Variants in CLDND2 observed in about 807,000 individuals in gnomAD.
CLDND2 encodes the protein claudin domain-containing protein 2.
A neutral mutation model predicts 17.7 loss-of-function variants in CLDND2; 18 were observed. The observed-to-expected ratio is 1.02, with a 90% CI of 0.70 to 1.51. CLDND2 has a LOEUF of 1.51. CLDND2 is among the 40% of genes most tolerant of loss of function. The pLI is 0.00. For missense variants in CLDND2, 233 were observed against 219.6 expected, an observed-to-expected ratio of 1.06 and a Z score of -0.39; for synonymous variants, 113 against 93.0, an observed-to-expected ratio of 1.22 and a Z score of -1.24.
At position 51,367,904 on chromosome 19, in the gene CLDND2, C is replaced by G. The variant is rs765786340; in HGVS notation, c.292G>C (p.Ala98Pro). 5 of 1,611,866 alleles carry G rather than the reference C, an allele frequency of 3.1e-6. No homozygotes were observed. Among genetic ancestry groups the G allele is most frequent in the Non-Finnish European group, 8.5e-7 (1 of 1,179,736 alleles). ...GTCTCACCGCCGAGGAAGAGGAAGG[C>G]GCTCGTGGTCTGGCCCCGCAGCGAC... ...GESLRGQTTSAFLFLGGLLLL... is the reference protein window; with the variant it reads ...GESLRGQTTSPFLFLGGLLLL... The change falls in exon 2 of 4, where the codon GCC (alanine) becomes CCC (proline). Residue 98 changes from alanine to proline, a missense_variant. Transcript: ENST00000291715. The surrounding 1 kb of genome is among the most constrained non-coding windows in gnomAD (Gnocchi z 7.4).
intron 1 of CLDND2, 72 bp from the exon 2 acceptor site, chr19:51,368,098 C>A (rs996040901): frequency 1.4e-6 from 2 of 1,464,704 alleles, no homozygotes; most frequent in African/African-American, 1.4e-5. Context: ...CAACCGGAAG[C>A]TCTCCCGTCT....
Position 51,367,745 on chromosome 19 carries a change from C to G in CLDND2, c.310+141G>C. On this transcript the variant is annotated intron_variant, in intron 2 of 3. Coordinates refer to ENST00000291715, the MANE Select transcript of CLDND2 (RefSeq NM_152353.3). The surrounding 1 kb of genome is among the most constrained non-coding windows in gnomAD (Gnocchi z 7.4). ...TCCCGCTCTGAACTCTGTCTCGAGC[C>G]CCGCCCACCTCTCTCGGCTTCTTCC... 6.8e-7 allele frequency: 1 copy of G among 1,476,256 alleles called. No homozygotes were observed. The highest frequency in any genetic ancestry group is 1.4e-5 in the South Asian group (1 of 73,686). 91.4% of individuals were successfully genotyped at this position (1,476,256 alleles called of 1,614,324 possible).
At position 51,367,480 on chromosome 19, in the gene CLDND2, G is replaced by A. The variant is rs1986447338; in HGVS notation, c.407C>T (p.Ala136Val). 1 of 1,603,264 alleles carries A rather than the reference G, an allele frequency of 6.2e-7. No homozygotes were observed. Among genetic ancestry groups the A allele is most frequent in the South Asian group, 1.1e-5 (1 of 89,504 alleles). Reference sequence around the variant, plus strand: ...ACCCGCGAGAATTGAGAAGGGTAAGGCCAGCCACCCAGAAAAATAGGACCA... The same window carrying A: ...ACCCGCGAGAATTGAGAAGGGTAAGACCAGCCACCCAGAAAAATAGGACCA... ...FSWSYFSGWL[A>V]LPFSILAGFC... The change falls in exon 3 of 4, where the codon GCC becomes GTC. Residue 136 changes from alanine to valine, a missense_variant. Coordinates refer to ENST00000291715, the MANE Select transcript of CLDND2 (RefSeq NM_152353.3). The surrounding 1 kb of genome is among the most constrained non-coding windows in gnomAD (Gnocchi z 7.4).
Position 51,368,835 on chromosome 19 carries a change from A to C in CLDND2, c.-258T>G. The C allele has an allele frequency of 2.3e-6, 1 of 436,732 alleles. No individual in the cohort carries two copies. The highest frequency in any genetic ancestry group is 4.1e-6 in the Non-Finnish European group (1 of 241,880). The allele number at this position is 436,732 out of a possible 1,614,324, so 27.1% of individuals were successfully genotyped here. On this transcript the variant is annotated 5_prime_UTR_variant, in exon 1 of 4. Transcript: ENST00000291715. ...CTGAGAGGCCTCTGAGACCTTCACC[A>C]CAGGCTTTGCTGTGAGGAACCTGTC...
In CLDND2 at chr19:51,368,519, A is replaced by T. The variant is rs137890141; in HGVS notation, c.59T>A (p.Val20Asp). The stretch of plus-strand genomic sequence containing the variant: ...GGTGGCCGTGGAGAGCACCATGAGG[A>T]CGTTGGCCACGAGGCTGAGCAGAAT... The part of the protein sequence containing the change: ...GGILLSLVAN[V>D]LMVLSTATNY... The change falls in exon 1 of 4, where the codon GTC (valine) becomes GAC (aspartate). Residue 20 changes from valine (V) to aspartate (D), a missense_variant. Transcript: ENST00000291715. 71 of 1,614,014 alleles carry T rather than the reference A, an allele frequency of 4.4e-5. No individual in the cohort carries two copies. In the African/African-American group the frequency reaches 8.5e-4, roughly 19 times the overall value.
rs1986532297 is a variant in CLDND2 at position 51,368,487 on chromosome 19, A to G, written c.91T>C (p.Trp31Arg). 6.2e-7 allele frequency: 1 copy of G among 1,614,090 alleles called. No individual in the cohort carries two copies. The highest frequency in any genetic ancestry group is 8.5e-7 in the Non-Finnish European group (1 of 1,180,010). ...LMVLSTATNY[W>R]TRQQEGHSGL... Reference sequence around the variant, plus strand: ...CTGTGGCCCTCTTGTTGGCGGGTCCAGTAGTTGGTGGCCGTGGAGAGCACC... The same window carrying G: ...CTGTGGCCCTCTTGTTGGCGGGTCCGGTAGTTGGTGGCCGTGGAGAGCACC... Residue 31 changes from tryptophan to arginine, a missense_variant, in exon 1 of 4, where the codon TGG becomes CGG. By Grantham distance (101) the Trp-to-Arg change is moderately radical. Transcript: ENST00000291715.
rs1167661295 is a variant in CLDND2 at position 51,367,945 on chromosome 19, C to T, written c.251G>A (p.Arg84Gln). The T allele has an allele frequency of 1.9e-6, 3 of 1,613,026 alleles. No homozygotes were observed. Among genetic ancestry groups the T allele is most frequent in the South Asian group, 2.2e-5 (2 of 91,012 alleles). The change falls in exon 2 of 4, where the codon CGG (arginine) becomes CAG (glutamine). Residue 84 changes from arginine to glutamine, a missense_variant. Arg to Gln is a conservative substitution (Grantham distance 43). Coordinates refer to ENST00000291715, the MANE Select transcript of CLDND2 (RefSeq NM_152353.3). The surrounding 1 kb of genome is among the most constrained non-coding windows in gnomAD (Gnocchi z 7.4). ...CCGCAGCGACTCGCCCTCGTCGCAC[C>T]GAATCCGCAGTCCCATCACCATGCC... ...VVGMVMGLRI[R>Q]CDEGESLRGQ...
rs769322408 is a variant in CLDND2 at position 51,367,230 on chromosome 19, G to A, written c.431-15C>T. The A allele has an allele frequency of 3.1e-6, 5 of 1,613,818 alleles. No individual in the cohort carries two copies. The highest frequency in any genetic ancestry group is 4.5e-5 in the East Asian group (2 of 44,884). On this transcript the variant is annotated splice_polypyrimidine_tract_variant and intron_variant, in intron 3 of 3. Transcript: ENST00000291715. This position sits in a 1 kb window ranked among gnomAD's most constrained non-coding sequence, Gnocchi z 7.4. ...AAAGCAGAAGCCTGGGGGGACGGGG[G>A]TGCGGAGCAGGGAGAGGAAGGTGGG...
chr19:51,368,939 C>G lies in CLDND2; in HGVS notation c.-362G>C, dbSNP rs1986557167. 5.2e-6 allele frequency: 1 copy of G among 192,744 alleles called. No homozygotes were observed. The highest frequency in any genetic ancestry group is 1.1e-5 in the Non-Finnish European group (1 of 92,996). 11.9% of individuals were successfully genotyped at this position (192,744 alleles called of 1,614,324 possible). A position where few individuals can be genotyped will look rare whatever the true frequency, so the allele number is the denominator to read the frequency against. ...TGTCCTCCCCAGACACCCCTCCACA[C>G]AGGCCCACCTAAGTGACTCACACCC... On this transcript the variant is annotated 5_prime_UTR_variant, in exon 1 of 4. Transcript: ENST00000291715.
rs1461215602 is a variant in CLDND2 at position 51,367,952 on chromosome 19, G to T, written c.244C>A (p.Arg82=). 2 of 1,612,794 alleles carry T rather than the reference G, an allele frequency of 1.2e-6. No individual in the cohort carries two copies. The highest frequency in any genetic ancestry group is 2.2e-5 in the East Asian group (1 of 44,848). The change falls in exon 2 of 4, where the codon CGG becomes AGG. Residue 82 remains arginine, a synonymous_variant. Coordinates refer to ENST00000291715, the MANE Select transcript of CLDND2 (RefSeq NM_152353.3). The surrounding 1 kb of genome is among the most constrained non-coding windows in gnomAD (Gnocchi z 7.4). The part of the protein sequence containing the change: ...VGVVGMVMGL[R]IRCDEGESLR... ...GACTCGCCCTCGTCGCACCGAATCCGCAGTCCCATCACCATGCCCACCACG... is the reference window on the plus strand; with the variant it reads ...GACTCGCCCTCGTCGCACCGAATCCTCAGTCCCATCACCATGCCCACCACG...
At position 51,367,449 on chromosome 19, in the gene CLDND2, C is replaced by T. The variant is rs1351578616; in HGVS notation, c.430+8G>A. On this transcript the variant is annotated splice_region_variant and intron_variant, in intron 3 of 3. Transcript: ENST00000291715. The surrounding 1 kb of genome is among the most constrained non-coding windows in gnomAD (Gnocchi z 7.4). The stretch of plus-strand genomic sequence containing the variant: ...TCTCCTCCACCCTCTTCCCGCTGTC[C>T]AGTTTACCCGCGAGAATTGAGAAGG... 2 of 1,594,442 alleles carry T rather than the reference C, an allele frequency of 1.3e-6. No homozygotes were observed. Among genetic ancestry groups the T allele is most frequent in the African/African-American group, 2.7e-5 (2 of 74,640 alleles).
At position 51,367,521 on chromosome 19, in the gene CLDND2, G is replaced by A. The variant is rs1337569389; in HGVS notation, c.366C>T (p.Asn122=). 9.9e-6 allele frequency: 16 copies of A among 1,611,298 alleles called. No homozygotes were observed. The highest frequency in any genetic ancestry group is 1.4e-5 in the Non-Finnish European group (16 of 1,178,672). ...AATAGGACCAAGAGAAGAAGACGTT[G>A]TTCTTCCACGCATTCTTCACGGTGT... ...IGYTVKNAWK[N]NVFFSWSYFS... The change falls in exon 3 of 4, where the codon AAC becomes AAT. Residue 122 remains asparagine, a synonymous_variant. Transcript: ENST00000291715. This position sits in a 1 kb window ranked among gnomAD's most constrained non-coding sequence, Gnocchi z 7.4.
chr19:51,367,978 C>T lies in CLDND2; in HGVS notation c.218G>A (p.Gly73Asp). Reference sequence around the variant, plus strand: ...CAGTCCCATCACCATGCCCACCACGCCGACACCCACCGCCAGCACCATGCA... The same window carrying T: ...CAGTCCCATCACCATGCCCACCACGTCGACACCCACCGCCAGCACCATGCA... Reference protein sequence around the residue: ...VACMVLAVGVGVVGMVMGLRI... With the variant: ...VACMVLAVGVDVVGMVMGLRI... Residue 73 changes from glycine to aspartate, a missense_variant, in exon 2 of 4, where the codon GGC (glycine) becomes GAC (aspartate). Coordinates refer to ENST00000291715, the MANE Select transcript of CLDND2 (RefSeq NM_152353.3). The surrounding 1 kb of genome is among the most constrained non-coding windows in gnomAD (Gnocchi z 7.4). 6.2e-7 allele frequency: 1 copy of T among 1,611,492 alleles called. No homozygotes were observed. The highest frequency in any genetic ancestry group is 8.5e-7 in the Non-Finnish European group (1 of 1,178,722).
chr19:51,368,792 G>A lies in CLDND2; in HGVS notation c.-215C>T, dbSNP rs1986550837. The A allele has an allele frequency of 7.6e-6, 4 of 526,230 alleles. No individual in the cohort carries two copies. The allele number at this position is 526,230 out of a possible 1,614,324, so 32.6% of individuals were successfully genotyped here. Reference sequence around the variant, plus strand: ...CCTCCAGACCTCGTTCCCCTTACTGGAGACCTTGAGACTTCCCCTGAGAGG... The same window carrying A: ...CCTCCAGACCTCGTTCCCCTTACTGAAGACCTTGAGACTTCCCCTGAGAGG... On this transcript the variant is annotated 5_prime_UTR_variant, in exon 1 of 4. Transcript: ENST00000291715.
Position 51,368,474 on chromosome 19 carries a change from T to G in CLDND2, c.104A>C (p.Gln35Pro). 1 of 1,614,114 alleles carries G rather than the reference T, an allele frequency of 6.2e-7. No individual in the cohort carries two copies. The highest frequency in any genetic ancestry group is 8.5e-7 in the Non-Finnish European group (1 of 1,180,000). ...STATNYWTRQ[Q>P]EGHSGLWQEC... Reference sequence around the variant, plus strand: ...CTGCCACAGGCCACTGTGGCCCTCTTGTTGGCGGGTCCAGTAGTTGGTGGC... The same window carrying G: ...CTGCCACAGGCCACTGTGGCCCTCTGGTTGGCGGGTCCAGTAGTTGGTGGC... The change falls in exon 1 of 4, where the codon CAA becomes CCA. Residue 35 changes from glutamine to proline, a missense_variant. Gln to Pro is a moderately conservative substitution (Grantham distance 76, BLOSUM62 -1). Coordinates refer to ENST00000291715, the MANE Select transcript of CLDND2 (RefSeq NM_152353.3).
At position 51,368,656 on chromosome 19, in the gene CLDND2, G is replaced by T. The variant is rs944465421; in HGVS notation, c.-79C>A. On this transcript the variant is annotated 5_prime_UTR_variant, in exon 1 of 4. Coordinates refer to ENST00000291715, the MANE Select transcript of CLDND2 (RefSeq NM_152353.3). ...CTACCCCGAGGCCCCCAGCTGAGGA[G>T]CCCGCTTCCTCCACACTCCTCCCCT... 3 of 1,299,894 alleles carry T rather than the reference G, an allele frequency of 2.3e-6. No homozygotes were observed. In the African/African-American group the frequency reaches 4.5e-5, roughly 19 times the overall value. 80.5% of individuals were successfully genotyped at this position (1,299,894 alleles called of 1,614,324 possible).
intron 1 of CLDND2, 167 bp from the exon 2 acceptor site, chr19:51,368,193 C>G (rs1986512366): frequency 2.3e-6 from 2 of 886,338 alleles, no homozygotes; most frequent in Non-Finnish European, 3.4e-6. Context: ...GAGGTCACAT[C>G]AGGACCTGCG....
chr19:51,367,601 G>T lies in CLDND2; in HGVS notation c.311-25C>A. ...CCTGGGCCCCGCCCAGCCGCAAGAT[G>T]AGCTAGCTGGGCCTGGTGGGGGCTG... On this transcript the variant is annotated intron_variant, in intron 2 of 3. Transcript: ENST00000291715. This position sits in a 1 kb window ranked among gnomAD's most constrained non-coding sequence, Gnocchi z 7.4. The T allele has an allele frequency of 1.2e-6, 2 of 1,604,864 alleles. No individual in the cohort carries two copies. Among genetic ancestry groups the T allele is most frequent in the South Asian group, 1.1e-5 (1 of 89,708 alleles).
rs1986445876 is a variant in CLDND2 at position 51,367,460 on chromosome 19, C to G, written c.427G>C (p.Ala143Pro). 1 of 1,598,346 alleles carries G rather than the reference C, an allele frequency of 6.3e-7. No homozygotes were observed. Residue 143 changes from alanine to proline, a missense_variant, in exon 3 of 4, where the codon GCG becomes CCG. By Grantham distance (27) the Ala-to-Pro change is conservative (BLOSUM62 -1). Transcript: ENST00000291715. This position sits in a 1 kb window ranked among gnomAD's most constrained non-coding sequence, Gnocchi z 7.4. ...GWLALPFSIL[A>P]GFCFLLADMI... is the part of the protein sequence containing the mutation. ...CTCTTCCCGCTGTCCAGTTTACCCG[C>G]GAGAATTGAGAAGGGTAAGGCCAGC...
Sources: allele counts gnomAD v4.1 joint callset, GRCh38; gene constraint gnomAD v4.1.1; non-coding constraint Gnocchi (gnomAD v3.1); transcripts MANE v1.5; gene names NCBI Gene and HGNC (gene_info 2026-07-23, HGNC 2026-07-21).